The following GAB1 variants were observed in gnomAD, a reference collection of about 807,000 sequenced individuals.
GAB1 encodes the protein GRB2 associated binding protein 1.
GAB1 carries 19 observed loss-of-function variants against 66.5 expected under a neutral mutation model. That is an observed-to-expected ratio of 0.29 (90% confidence interval 0.20 to 0.42). The LOEUF (loss-of-function observed/expected upper bound fraction) is 0.42, where lower values mean the gene tolerates loss of function less well. Among genes scored for constraint, GAB1 ranks in the 10% least tolerant of loss-of-function variants. The pLI is 1.00. For synonymous variants in GAB1, 294 were observed against 301.4 expected (o/e 0.98, Z 0.25); for missense variants, 732 against 858.5 (o/e 0.85, Z 1.84).
At chr4:143,451,185 G>C (rs1734910700) in intron 6 of GAB1, among the ~76,000 whole-genome samples, 1 of 152,156 alleles carries the variant, frequency 6.6e-6, no homozygotes, top group Non-Finnish European at 1.5e-5. Flanking sequence ...CTCCCCTGAG[G>C]AAAGTCTGAG....
chr4:143,443,238 G>A (rs769680592), intron 6 of GAB1, among the ~76,000 whole-genome samples: 2 of 151,874 alleles, frequency 1.3e-5, no homozygotes, highest in South Asian at 2.1e-4. Context: ...GGATGGTCTC[G>A]ACCTCCTGAC....
intron 9 of GAB1, among the ~76,000 whole-genome samples, chr4:143,467,517 A>G (rs1347978826): frequency 6.6e-6 from 1 of 152,192 alleles, no homozygotes; most frequent in Non-Finnish European, 1.5e-5. Flanking sequence ...TGGCCAATTT[A>G]CTGGCTCCTT....
chr4:143,463,883 A>G (rs1223681953), intron 8 of GAB1, among the ~76,000 whole-genome samples: 1 of 152,226 alleles, frequency 6.6e-6, no homozygotes, highest in Non-Finnish European at 1.5e-5. Context: ...TAGGTTAACT[A>G]GCCACCCTGA....
chr4:143,459,135 A>G (rs1218892338), intron 6 of GAB1, among the ~76,000 whole-genome samples: 1 of 152,106 alleles, frequency 6.6e-6, no homozygotes, highest in Non-Finnish European at 1.5e-5. Flanking sequence ...CTTAGGCAAC[A>G]TGTTGTAATA....
chr4:143,388,587 G>GTATTTT (rs1251410629), intron 1 of GAB1, among the ~76,000 whole-genome samples: 2 of 152,060 alleles, frequency 1.3e-5, no homozygotes, highest in Non-Finnish European at 2.9e-5. Context: ...GCTAATTTTT[G>GTATTTT]TATTTTTGGT....
At chr4:143,396,049 G>A (rs1731437241) in intron 1 of GAB1, 1 of 452,540 alleles carries the variant, frequency 2.2e-6, no homozygotes, top group South Asian at 1.6e-5. Context: ...ACAACAGGAA[G>A]TGTAATGGGA....
At chr4:143,451,393 C>T (rs1052205639) in intron 6 of GAB1, among the ~76,000 whole-genome samples, 1 of 152,072 alleles carries the variant, frequency 6.6e-6, no homozygotes, top group Non-Finnish European at 1.5e-5. Flanking sequence ...CTTGCAGGTT[C>T]CTGGTCCTGA....
intron 1 of GAB1, among the ~76,000 whole-genome samples, chr4:143,377,223 A>G (rs967229550): frequency 2.6e-5 from 4 of 152,210 alleles, no homozygotes; most frequent in Non-Finnish European, 4.4e-5. Context: ...AAGTACTATA[A>G]AAAGCATCAG....
chr4:143,385,878 G>C (rs1035525659), intron 1 of GAB1, among the ~76,000 whole-genome samples: 1 of 152,212 alleles, frequency 6.6e-6, no homozygotes, highest in Admixed American at 6.5e-5. Context: ...GGTAGCTCAT[G>C]CCTGTAACCC....
intron 3 of GAB1, among the ~76,000 whole-genome samples, chr4:143,437,690 T>C (rs1734006078): frequency 2.0e-5 from 3 of 152,198 alleles, no homozygotes; most frequent in African/African-American, 7.2e-5. Context: ...CCCAGAGTTT[T>C]GTAATGTTTA....
At chr4:143,391,709 C>T (rs376501000) in intron 1 of GAB1, 4 of 152,124 alleles carry the variant, frequency 2.6e-5, no homozygotes, top group Non-Finnish European at 5.9e-5. Flanking sequence ...CATAGATATT[C>T]ATTGAGATTA....
chr4:143,379,411 T>C (rs1730563747), intron 1 of GAB1, among the ~76,000 whole-genome samples: 1 of 152,164 alleles, frequency 6.6e-6, no homozygotes, highest in Non-Finnish European at 1.5e-5. Context: ...CTTAAGATGA[T>C]ACATCTGGGT....
intron 1 of GAB1, among the ~76,000 whole-genome samples, chr4:143,393,205 T>C (rs1251112492): frequency 6.7e-6 from 1 of 149,798 alleles, no homozygotes; most frequent in Non-Finnish European, 1.5e-5. Context: ...AGAAGGTTTT[T>C]CACATTTACA....
intron 1 of GAB1, among the ~76,000 whole-genome samples, chr4:143,350,678 C>CAAAAAA (rs34098103): frequency 2.3e-5 from 2 of 88,496 alleles, no homozygotes; most frequent in African/African-American, 4.6e-5. Context: ...AACTCCGTCT[C>CAAAAAA]AAAAAAAAAA....
At chr4:143,371,185 T>G (rs1474652818) in intron 1 of GAB1, among the ~76,000 whole-genome samples, 1 of 152,042 alleles carries the variant, frequency 6.6e-6, no homozygotes. Context: ...AGTGTTCCTA[T>G]TTCTCCACAT....
At chr4:143,360,649 G>A (rs1179042777) in intron 1 of GAB1, among the ~76,000 whole-genome samples, 1 of 152,144 alleles carries the variant, frequency 6.6e-6, no homozygotes, top group Non-Finnish European at 1.5e-5. Flanking sequence ...TGTCTCGTGG[G>A]TTGATTTTTC....
In GAB1 at chr4:143,412,893, A is replaced by G. The variant is rs146057390; in HGVS notation, c.73-2584A>G. Among the ~76,000 whole-genome samples, 958 of 152,302 alleles carry G rather than the reference A, an allele frequency of 6.3e-3. 16 individuals carry two copies. Among genetic ancestry groups the G allele is most frequent in the African/African-American group, 0.022 (914 of 41,566 alleles). On this transcript the variant is annotated intron_variant, in intron 1 of 9. Transcript: ENST00000262994. The stretch of plus-strand genomic sequence containing the variant: ...CTGTATTTAAAAGATGAACTATACA[A>G]GCATAGCAATATGGTACTATTTATT...
chr4:143,373,868 A>ATATATATATATATATATATATATATAT lies in GAB1; in HGVS notation c.72+36608_72+36609insTATATATATATATATATATATATATAT, dbSNP rs1560725949. The stretch of plus-strand genomic sequence containing the variant: ...CTCTCTCTCTCTCTGTAAATAAATA[A>ATATATATATATATATATATATATATAT]ATATATATATATATATATTTTTACC... On this transcript the variant is annotated intron_variant, in intron 1 of 9. Coordinates refer to ENST00000262994, the MANE Select transcript of GAB1 (RefSeq NM_002039.4). Among the ~76,000 whole-genome samples the ATATATATATATATATATATATATATAT allele has an allele frequency of 3.5e-3, 326 of 93,558 alleles. 33 individuals are homozygous for ATATATATATATATATATATATATATAT. The highest frequency in any genetic ancestry group is 9.3e-3 in the South Asian group (21 of 2,254). 61.4% of individuals were successfully genotyped at this position (93,558 alleles called of 152,430 possible).
At chr4:143,433,459 A>G (rs755393818) in intron 2 of GAB1, 32 bp from the exon 3 acceptor site, 3 of 1,521,180 alleles carry the variant, frequency 2.0e-6, no homozygotes, top group African/African-American at 2.7e-5. Context: ...TTTAACTGTG[A>G]TAGACGTGAT....
Sources: gnomAD v4.1 joint callset for allele counts (sites outside exome capture counted in the v4.1 genomes callset) on GRCh38, gnomAD v4.1.1 for gene constraint, MANE v1.5 for transcripts, NCBI Gene and HGNC (gene_info 2026-07-23, HGNC 2026-07-21) for gene names.